DIP2C: variants seen among roughly 807,000 people sequenced by gnomAD.
The protein encoded by DIP2C is disco-interacting protein 2 homolog C.
In DIP2C, 33 loss-of-function variants were observed where a neutral mutation model predicts 192.4. The observed-to-expected ratio is 0.17, with a 90% CI of 0.13 to 0.23. The LOEUF is 0.23. Among genes scored for constraint, DIP2C ranks in the 10% least tolerant of loss-of-function variants. The pLI is 1.00. For missense variants in DIP2C, 1,537 were observed against 2,110.1 expected (o/e 0.73, Z 5.32); for synonymous variants, 979 against 864.1 (o/e 1.13, Z -2.33).
intron 30 of DIP2C, among the ~76,000 whole-genome samples, chr10:327,501 G>C (rs1957327769): frequency 6.6e-6 from 1 of 152,216 alleles, no homozygotes; most frequent in South Asian, 2.1e-4. Context: ...CGGGAAAAGA[G>C]AGCCATCTGA....
intron 17 of DIP2C, among the ~76,000 whole-genome samples, chr10:376,732 C>A (rs1210499123): frequency 6.6e-6 from 1 of 152,112 alleles, no homozygotes; most frequent in Non-Finnish European, 1.5e-5. Context: ...CTGGGCCACT[C>A]TTTTTCACAG....
chr10:523,752 CTG>C (rs1300616493), intron 1 of DIP2C, among the ~76,000 whole-genome samples: 3 of 151,098 alleles, frequency 2.0e-5, no homozygotes, highest in Non-Finnish European at 4.4e-5. Context: ...TGCAGGGACT[CTG>C]TGTGACCAAC....
At chr10:460,320 C>A (rs527847672) in intron 3 of DIP2C, among the ~76,000 whole-genome samples, 1 of 152,180 alleles carries the variant, frequency 6.6e-6, no homozygotes, top group Non-Finnish European at 1.5e-5. Flanking sequence ...TGCTTAAAAT[C>A]GACTCCAATA....
intron 1 of DIP2C, among the ~76,000 whole-genome samples, chr10:526,709 C>T (rs551611175): frequency 6.6e-6 from 1 of 152,184 alleles, no homozygotes; most frequent in South Asian, 2.1e-4. Context: ...GCTTTAACTG[C>T]GCCTATGTGG....
At chr10:479,144 C>A (rs770563555) in intron 2 of DIP2C, among the ~76,000 whole-genome samples, 2 of 152,126 alleles carry the variant, frequency 1.3e-5, no homozygotes, top group Non-Finnish European at 2.9e-5. Context: ...TTGTTCACAT[C>A]GTAAAACTTT....
At chr10:281,427 G>T in intron 35 of DIP2C, 104 bp from the exon 36 acceptor site, 1 of 1,446,594 alleles carries the variant, frequency 6.9e-7, no homozygotes. Flanking sequence ...GTGAGACAGG[G>T]ATGCAAAGGA....
intron 3 of DIP2C, among the ~76,000 whole-genome samples, chr10:460,749 AT>A (rs1389951955): frequency 2.0e-5 from 3 of 152,190 alleles, no homozygotes; most frequent in Admixed American, 6.5e-5. Flanking sequence ...AAGACACATA[AT>A]TGTCAGATTC....
intron 1 of DIP2C, among the ~76,000 whole-genome samples, chr10:498,811 T>G (rs1410077264): frequency 3.3e-5 from 5 of 152,182 alleles, no homozygotes; most frequent in African/African-American, 1.2e-4. Flanking sequence ...TGAAAAAAGC[T>G]ACTGCTGTGT....
intron 1 of DIP2C, among the ~76,000 whole-genome samples, chr10:634,722 G>A (rs899006089): frequency 5.9e-5 from 9 of 151,278 alleles, no homozygotes; most frequent in African/African-American, 2.2e-4. Flanking sequence ...TTGCACTCCA[G>A]CCTGGGCAAA....
In DIP2C at chr10:508,340, G is replaced by C. The variant is rs556721807; in HGVS notation, c.86-21810C>G. Among the ~76,000 whole-genome samples, 3 of 152,300 alleles carry C rather than the reference G, an allele frequency of 2.0e-5. No individual in the cohort carries two copies. The East Asian group carries it at 5.8e-4, about 29-fold the overall frequency. On this transcript the variant is annotated intron_variant, in intron 1 of 36. Coordinates refer to ENST00000280886, the MANE Select transcript of DIP2C (RefSeq NM_014974.3). ...CAGATCCACAGGCTCAGAGTGCCCA[G>C]GCCCTCAGCCCCTCCATGTGTGCCC...
At chr10:397,555 A>AGCTGATGG (rs970965699) in intron 10 of DIP2C, among the ~76,000 whole-genome samples, 3 of 145,578 alleles carry the variant, frequency 2.1e-5, no homozygotes. Context: ...TGCTGAAGGG[A>AGCTGATGG]GCTGATGGTT....
intron 4 of DIP2C, 58 bp from the exon 5 acceptor site, chr10:423,091 T>C: frequency 6.8e-7 from 1 of 1,468,894 alleles, no homozygotes; most frequent in South Asian, 1.3e-5. Flanking sequence ...CACCACAATC[T>C]CAGTCCCTCG....
At chr10:348,253 T>C (rs563538707) in intron 26 of DIP2C, among the ~76,000 whole-genome samples, 4 of 152,334 alleles carry the variant, frequency 2.6e-5, no homozygotes, top group East Asian at 3.9e-4. Context: ...AACAGATCTA[T>C]ACTTTCAAAA....
chr10:351,831 G>A (rs888030220), intron 24 of DIP2C, among the ~76,000 whole-genome samples: 2 of 152,126 alleles, frequency 1.3e-5, no homozygotes, highest in Admixed American at 6.5e-5. Flanking sequence ...TGCCGCCAAC[G>A]TCCTCTGAGC....
At chr10:335,428 G>C (rs1307620844) in intron 29 of DIP2C, among the ~76,000 whole-genome samples, 1 of 152,174 alleles carries the variant, frequency 6.6e-6, no homozygotes, top group East Asian at 1.9e-4. Flanking sequence ...TCCCAGCTCA[G>C]ACCCTGTTCA....
intron 1 of DIP2C, among the ~76,000 whole-genome samples, chr10:583,563 G>A (rs1345655030): frequency 6.6e-6 from 1 of 152,172 alleles, no homozygotes; most frequent in African/African-American, 2.4e-5. Context: ...CACAGGTCAG[G>A]GCCCTCTTGT....
chr10:344,673 T>A (rs1316859092), intron 28 of DIP2C, 136 bp downstream of exon 28: 1 of 708,722 alleles, frequency 1.4e-6, no homozygotes, highest in Non-Finnish European at 2.4e-6. Context: ...ATACCGTGAA[T>A]GAAACACGTA....
intron 25 of DIP2C, 76 bp downstream of exon 25, chr10:349,255 C>A: frequency 6.5e-7 from 1 of 1,543,734 alleles, no homozygotes; most frequent in South Asian, 1.2e-5. Flanking sequence ...CAGGCACCAG[C>A]GGGTGTAAGG....
intron 17 of DIP2C, among the ~76,000 whole-genome samples, chr10:375,947 A>T (rs2132833416): frequency 6.6e-6 from 1 of 152,318 alleles, no homozygotes; most frequent in East Asian, 1.9e-4. Context: ...TTTAGAGAAG[A>T]AAGAGTTAAG....
Sources: allele counts gnomAD v4.1 joint callset (sites outside exome capture counted in the v4.1 genomes callset), GRCh38; gene constraint gnomAD v4.1.1; transcripts MANE v1.5; gene names NCBI Gene and HGNC (gene_info 2026-07-23, HGNC 2026-07-21).